The following CNOT4 variants were observed in gnomAD, a reference collection of about 807,000 sequenced individuals.
The protein encoded by CNOT4 is CCR4-associated factor 4.
CNOT4 carries 8 observed loss-of-function variants against 73.8 expected under a neutral mutation model. That is an observed-to-expected ratio of 0.11 (90% confidence interval 0.06 to 0.20). The LOEUF (loss-of-function observed/expected upper bound fraction) is 0.20. Among genes scored for constraint, CNOT4 ranks in the 10% least tolerant of loss-of-function variants. The pLI, the probability that CNOT4 is intolerant of heterozygous loss-of-function variation, is 1.00. For synonymous variants in CNOT4, 293 were observed against 321.1 expected (o/e 0.91, Z 0.94); for missense variants, 564 against 883.4 (o/e 0.64, Z 4.58).
intron 1 of CNOT4, among the ~76,000 whole-genome samples, chr7:135,443,685 G>C (rs1304203232): frequency 6.6e-6 from 1 of 152,140 alleles, no homozygotes; most frequent in Non-Finnish European, 1.5e-5. Flanking sequence ...TAGTAACTGT[G>C]ACATGTGTAA....
At chr7:135,413,228 T>G (rs546556517) in intron 6 of CNOT4, among the ~76,000 whole-genome samples, 1 of 152,122 alleles carries the variant, frequency 6.6e-6, no homozygotes, top group South Asian at 2.1e-4. Flanking sequence ...TTAAGGACTC[T>G]GAAAAGTCTT....
chr7:135,389,564 G>A (rs1404258910), intron 10 of CNOT4, among the ~76,000 whole-genome samples: 1 of 151,986 alleles, frequency 6.6e-6, no homozygotes, highest in Non-Finnish European at 1.5e-5. Context: ...TTGACTACAA[G>A]TGACTTGTTT....
intron 2 of CNOT4, among the ~76,000 whole-genome samples, chr7:135,437,277 C>T (rs956241553): frequency 6.6e-6 from 1 of 152,094 alleles, no homozygotes; most frequent in Non-Finnish European, 1.5e-5. Context: ...GCAAGCTCCG[C>T]CTTCCGGGTT....
At chr7:135,366,192 A>G (rs1794902736) in intron 10 of CNOT4, among the ~76,000 whole-genome samples, 1 of 152,208 alleles carries the variant, frequency 6.6e-6, no homozygotes, top group African/African-American at 2.4e-5. Flanking sequence ...AGAATATCCC[A>G]TAACTCAGAA....
At chr7:135,388,506 C>A (rs775584866) in intron 10 of CNOT4, 49 of 1,019,102 alleles carry the variant, frequency 4.8e-5, no homozygotes, top group Non-Finnish European at 5.5e-5. Flanking sequence ...ACAATTCTAG[C>A]TAATCTCACC....
At chr7:135,472,558 T>TATATAA (rs1563070739) in intron 1 of CNOT4, among the ~76,000 whole-genome samples, 1 of 78,586 alleles carries the variant, frequency 1.3e-5, no homozygotes, top group African/African-American at 5.0e-5. Context: ...TATATATATA[T>TATATAA]AAAGTGATCC....
rs1479307296 is a variant in CNOT4, at chr7:135,431,333, TA to T, written c.174+6824del. On this transcript the variant is annotated intron_variant, in intron 2 of 11. Transcript: ENST00000541284. ...AAACTGTCTTTTTGCATAGAACACA[TA>T]ATCACCTATGTAGAAAATTCTAAGG... Among the ~76,000 whole-genome samples the T allele has an allele frequency of 2.0e-5, 3 of 152,318 alleles. No individual in the cohort carries two copies. The East Asian group carries it at 5.8e-4, about 29-fold the overall frequency.
At chr7:135,387,024 G>A (rs1796153919) in intron 10 of CNOT4, 1 of 939,068 alleles carries the variant, frequency 1.1e-6, no homozygotes, top group South Asian at 4.9e-5. Flanking sequence ...AGGAGCCAGA[G>A]TTTGTTATAA....
At chr7:135,496,659 CT>C (rs1207337878) in intron 1 of CNOT4, among the ~76,000 whole-genome samples, 1 of 151,560 alleles carries the variant, frequency 6.6e-6, no homozygotes, top group Non-Finnish European at 1.5e-5. Flanking sequence ...TCTCTCTGAC[CT>C]TTCCCTTAGA....
chr7:135,453,743 A>AT (rs1389308447), intron 1 of CNOT4, among the ~76,000 whole-genome samples: 16 of 145,762 alleles, frequency 1.1e-4, no homozygotes, highest in African/African-American at 4.0e-4. Flanking sequence ...TATATATGTT[A>AT]TATTATATAT....
At chr7:135,437,642 T>C (rs1003309630) in intron 2 of CNOT4, among the ~76,000 whole-genome samples, 1 of 152,186 alleles carries the variant, frequency 6.6e-6, no homozygotes, top group African/African-American at 2.4e-5. Context: ...GGAATATCAA[T>C]ACCAGCCTAA....
intron 1 of CNOT4, among the ~76,000 whole-genome samples, chr7:135,506,083 T>C (rs1363664251): frequency 6.6e-6 from 1 of 152,234 alleles, no homozygotes; most frequent in Non-Finnish European, 1.5e-5. Flanking sequence ...TATACTACAA[T>C]CTTTAAAATA....
At chr7:135,366,307 T>A (rs572077049) in intron 10 of CNOT4, among the ~76,000 whole-genome samples, 2 of 152,316 alleles carry the variant, frequency 1.3e-5, no homozygotes, top group South Asian at 4.1e-4. Flanking sequence ...AAATCTTATT[T>A]GAAAATTAGT....
intron 10 of CNOT4, 93 bp downstream of exon 10, chr7:135,393,825 G>C: frequency 1.2e-6 from 1 of 801,170 alleles, no homozygotes; most frequent in South Asian, 1.7e-5. Context: ...CAAGATATTA[G>C]TACTCTGTTA....
intron 10 of CNOT4, among the ~76,000 whole-genome samples, chr7:135,370,524 C>T (rs1158193606): frequency 6.6e-6 from 1 of 152,178 alleles, no homozygotes; most frequent in East Asian, 1.9e-4. Context: ...CACACCATGC[C>T]GTGCCATCGA....
intron 10 of CNOT4, chr7:135,388,838 G>C (rs766822229): frequency 1.2e-6 from 2 of 1,613,198 alleles, no homozygotes; most frequent in East Asian, 2.2e-5. Flanking sequence ...TGTCCTTGTT[G>C]TAATGAATGG....
chr7:135,393,828 C>T, intron 10 of CNOT4, 90 bp downstream of exon 10: 1 of 816,412 alleles, frequency 1.2e-6, no homozygotes, highest in Non-Finnish European at 2.0e-6. Flanking sequence ...GATATTAGTA[C>T]TCTGTTATTC....
intron 10 of CNOT4, among the ~76,000 whole-genome samples, chr7:135,378,000 ACT>A (rs764209140): frequency 2.1e-4 from 32 of 152,284 alleles, no homozygotes; most frequent in African/African-American, 5.5e-4. Context: ...CATTTGTAAA[ACT>A]CTGAATTTTA....
At chr7:135,405,646 CATA>C (rs1225328507) in intron 7 of CNOT4, among the ~76,000 whole-genome samples, 1 of 152,164 alleles carries the variant, frequency 6.6e-6, no homozygotes, top group African/African-American at 2.4e-5. Context: ...CTCTCGAATT[CATA>C]ATAATGAAGG....
Sources: gnomAD v4.1 joint callset for allele counts (sites outside exome capture counted in the v4.1 genomes callset) on GRCh38, gnomAD v4.1.1 for gene constraint, MANE v1.5 for transcripts, NCBI Gene and HGNC (gene_info 2026-07-23, HGNC 2026-07-21) for gene names.